The following EBF1 variants were observed in gnomAD, a reference collection of about 807,000 sequenced individuals.
The protein encoded by EBF1 is transcription factor COE1.
Under a neutral mutation model 68.4 loss-of-function variants are expected in EBF1, and 10 were observed. That is an observed-to-expected ratio of 0.15 (90% CI 0.09 to 0.25). The LOEUF (loss-of-function observed/expected upper bound fraction) is 0.25, where lower values mean the gene tolerates loss of function less well. Ranked by LOEUF, EBF1 falls within the 10% of genes least tolerant of loss-of-function variation. The pLI is 1.00. For missense variants in EBF1, 509 were observed against 794.4 expected (o/e 0.64, Z 4.32); for synonymous variants, 298 against 299.8 (o/e 0.99, Z 0.06).
At chr5:159,025,678 G>C (rs1021214986) in intron 6 of EBF1, among the ~76,000 whole-genome samples, 1 of 152,196 alleles carries the variant, frequency 6.6e-6, no homozygotes, top group Non-Finnish European at 1.5e-5. Context: ...GTCACAAGCA[G>C]TTGCCCTAGC....
At chr5:159,015,354 C>T (rs1404112785) in intron 6 of EBF1, among the ~76,000 whole-genome samples, 3 of 152,228 alleles carry the variant, frequency 2.0e-5, no homozygotes, top group African/African-American at 4.8e-5. Flanking sequence ...TTCCCTGCAA[C>T]AACCAGGAAG....
chr5:158,721,227 G>T (rs2127517133), intron 11 of EBF1, among the ~76,000 whole-genome samples: 1 of 152,244 alleles, frequency 6.6e-6, no homozygotes, highest in Middle Eastern at 3.4e-3. Context: ...TTATGAACCA[G>T]CATGCGGCAT....
chr5:158,825,762 A>G (rs1159242263), intron 7 of EBF1, among the ~76,000 whole-genome samples: 1 of 152,218 alleles, frequency 6.6e-6, no homozygotes, highest in Non-Finnish European at 1.5e-5. Context: ...GAGAATCTTT[A>G]TACTTTTAAT....
chr5:158,755,421 T>G (rs1581613005), intron 10 of EBF1, among the ~76,000 whole-genome samples: 1 of 152,284 alleles, frequency 6.6e-6, no homozygotes, highest in East Asian at 1.9e-4. Context: ...CAGCACAGCC[T>G]GCCTCCTGTT....
chr5:158,883,353 TATATATATACAC>T (rs1412559803), intron 6 of EBF1, among the ~76,000 whole-genome samples: 1 of 150,096 alleles, frequency 6.7e-6, no homozygotes, highest in Non-Finnish European at 1.5e-5. Flanking sequence ...TGCATGTATA[TATATATATACAC>T]ATACATACAT....
intron 6 of EBF1, among the ~76,000 whole-genome samples, chr5:159,004,533 AGTAGGTAG>A (rs35066031): frequency 0.61 from 91,255 of 150,374 alleles, 28,273 homozygotes; most frequent in South Asian, 0.8. Context: ...ACAGAGAGGT[AGTAGGTAG>A]GTAGGTAGGT....
chr5:158,978,912 G>A (rs1757359479), intron 6 of EBF1, among the ~76,000 whole-genome samples: 1 of 152,006 alleles, frequency 6.6e-6, no homozygotes, highest in African/African-American at 2.4e-5. Flanking sequence ...CAGGGTCAGT[G>A]TAATATTCTC....
At chr5:158,873,379 G>A (rs984521811) in intron 6 of EBF1, among the ~76,000 whole-genome samples, 4 of 152,010 alleles carry the variant, frequency 2.6e-5, no homozygotes, top group Non-Finnish European at 5.9e-5. Context: ...AGAGTGATTC[G>A]CCACATTTTG....
intron 6 of EBF1, among the ~76,000 whole-genome samples, chr5:158,943,177 G>A (rs1314158853): frequency 1.3e-5 from 2 of 152,132 alleles, no homozygotes; most frequent in Admixed American, 6.5e-5. Context: ...TGTCTTTCAG[G>A]AGGTCACATT....
intron 8 of EBF1, among the ~76,000 whole-genome samples, chr5:158,813,585 G>A (rs1783125341): frequency 6.6e-6 from 1 of 152,142 alleles, no homozygotes; most frequent in African/African-American, 2.4e-5. Flanking sequence ...CAAGGCTGCA[G>A]GTGTGTAGCC....
chr5:158,715,391 C>A (rs6871632), intron 11 of EBF1, among the ~76,000 whole-genome samples: 7,470 of 152,248 alleles, frequency 0.049, 568 homozygotes, highest in African/African-American at 0.16. Flanking sequence ...TTGAACAACT[C>A]TTGAAATGAC....
intron 6 of EBF1, among the ~76,000 whole-genome samples, chr5:158,893,552 TC>T (rs1234722091): frequency 6.6e-6 from 1 of 152,196 alleles, no homozygotes; most frequent in African/African-American, 2.4e-5. Flanking sequence ...ACAGGGGAAA[TC>T]CCTTTTCCTT....
At chr5:158,803,837 G>A (rs866680497) in intron 8 of EBF1, among the ~76,000 whole-genome samples, 2 of 150,418 alleles carry the variant, frequency 1.3e-5, no homozygotes, top group South Asian at 4.2e-4. Flanking sequence ...GTTTATTAGG[G>A]TTTTTATTTC....
intron 6 of EBF1, among the ~76,000 whole-genome samples, chr5:158,991,086 A>G (rs1301928617): frequency 6.6e-6 from 1 of 152,230 alleles, no homozygotes; most frequent in Non-Finnish European, 1.5e-5. Context: ...TCTGCTATGT[A>G]CTATCTGTGT....
At position 159,045,910 on chromosome 5, in the gene EBF1, C is replaced by G. The variant is rs1360647852; in HGVS notation, c.554+27486G>C. ...GGAGGAAAAAATGATCCAGACAGTT[C>G]ACCTTGATTCTCTTCTCCCTCAGCT... On this transcript the variant is annotated intron_variant, in intron 6 of 15. Coordinates refer to ENST00000313708, the MANE Select transcript of EBF1 (RefSeq NM_024007.5). Among the ~76,000 whole-genome samples the G allele has an allele frequency of 1.3e-5, 2 of 152,144 alleles. 1 individual carries two copies. The highest frequency in any genetic ancestry group is 1.3e-4 in the Admixed American group (2 of 15,276).
chr5:159,020,291 G>T (rs142407984), intron 6 of EBF1, among the ~76,000 whole-genome samples: 3 of 152,106 alleles, frequency 2.0e-5, no homozygotes, highest in Non-Finnish European at 4.4e-5. Context: ...TTTTATTCCA[G>T]TGGAAAGGCA....
intron 11 of EBF1, among the ~76,000 whole-genome samples, chr5:158,720,576 A>G (rs954827086): frequency 2.0e-5 from 3 of 152,158 alleles, no homozygotes; most frequent in Non-Finnish European, 4.4e-5. Flanking sequence ...ACATTCCTCA[A>G]ATTTTTCATT....
chr5:158,981,932 A>T (rs6556383), intron 6 of EBF1, among the ~76,000 whole-genome samples: 115,065 of 152,158 alleles, frequency 0.76, 44,007 homozygotes, highest in South Asian at 0.89. Flanking sequence ...CAAATCATTA[A>T]CATACAGATC....
chr5:158,714,078 T>A (rs199852631), intron 12 of EBF1, 39 bp downstream of exon 12: 1 of 1,606,438 alleles, frequency 6.2e-7, no homozygotes, highest in Non-Finnish European at 8.5e-7. Flanking sequence ...TTTAATTGCA[T>A]GTGGCAGTCC....
Sources: gnomAD v4.1 joint callset for allele counts (sites outside exome capture counted in the v4.1 genomes callset) on GRCh38, gnomAD v4.1.1 for gene constraint, MANE v1.5 for transcripts, NCBI Gene and HGNC (gene_info 2026-07-23, HGNC 2026-07-21) for gene names.